Variants in NCOA2 observed in about 807,000 individuals in gnomAD.
The protein encoded by NCOA2 is nuclear receptor coactivator 2.
Under a neutral mutation model 145.1 loss-of-function variants are expected in NCOA2, and 21 were observed. The observed-to-expected ratio is 0.14, with a 90% CI of 0.10 to 0.21. NCOA2 has a LOEUF of 0.21. Among genes scored for constraint, NCOA2 ranks in the 10% least tolerant of loss-of-function variants. The probability of loss-of-function intolerance (pLI) is 1.00; values close to 1 mark genes in which losing one functional copy is unlikely to be tolerated. For missense variants in NCOA2, 1,472 were observed against 1,837.6 expected, an observed-to-expected ratio of 0.80 and a Z score of 3.64; for synonymous variants, 619 against 637.5, an observed-to-expected ratio of 0.97 and a Z score of 0.44.
chr8:70,434,446 C>T, the NCOA2 span, among the ~76,000 whole-genome samples: 5 of 152,302 alleles, frequency 3.3e-5, no homozygotes, highest in African/African-American at 1.2e-4. Context: ...GTGAACATCA[C>T]CCCTTCAATT....
intron 1 of NCOA2, among the ~76,000 whole-genome samples, chr8:70,342,774 T>TACACACACACACAC (rs370685018): frequency 8.1e-6 from 1 of 124,090 alleles, no homozygotes; most frequent in Non-Finnish European, 1.7e-5. Context: ...CTTTTGCAAT[T>TACACACACACACAC]ACACACACAC....
At chr8:70,455,301 T>A in the NCOA2 span, among the ~76,000 whole-genome samples, 1 of 152,216 alleles carries the variant, frequency 6.6e-6, no homozygotes, top group African/African-American at 2.4e-5. Flanking sequence ...ATTACAGGGC[T>A]CACTGCCTAG....
chr8:70,127,587 T>C (rs1317171537), intron 18 of NCOA2, among the ~76,000 whole-genome samples: 1 of 152,022 alleles, frequency 6.6e-6, no homozygotes, highest in Non-Finnish European at 1.5e-5. Context: ...GCAGGATGGA[T>C]GAAGGGAAGG....
At chr8:70,267,392 G>GGTTTT (rs1824693370) in intron 2 of NCOA2, among the ~76,000 whole-genome samples, 1 of 102,496 alleles carries the variant, frequency 9.8e-6, no homozygotes, top group African/African-American at 3.5e-5. Context: ...TTTCCTTTCT[G>GGTTTT]TTTTTTTTTT....
intron 2 of NCOA2, among the ~76,000 whole-genome samples, chr8:70,264,675 T>G (rs1354981188): frequency 6.6e-6 from 1 of 152,182 alleles, no homozygotes; most frequent in Non-Finnish European, 1.5e-5. Context: ...ATGTAAGGTA[T>G]CATGAACAAA....
intron 4 of NCOA2, among the ~76,000 whole-genome samples, chr8:70,176,115 C>A (rs969688286): frequency 6.6e-6 from 1 of 152,016 alleles, no homozygotes; most frequent in Non-Finnish European, 1.5e-5. Context: ...TGGACTGAGC[C>A]AAAGTAAATG....
chr8:70,137,188 C>T (rs532512903), intron 15 of NCOA2, among the ~76,000 whole-genome samples: 3 of 152,300 alleles, frequency 2.0e-5, no homozygotes, highest in East Asian at 1.9e-4. Flanking sequence ...TACAGGCATG[C>T]GCCACCACAC....
Position 70,121,497 on chromosome 8 carries a change from C to T in NCOA2, c.4294-106G>A, listed in dbSNP as rs568288524. On this transcript the variant is annotated intron_variant, in intron 21 of 22. Coordinates refer to ENST00000452400, the MANE Select transcript of NCOA2 (RefSeq NM_006540.4). The stretch of plus-strand genomic sequence containing the variant: ...TCCTCTGTTTTTAGGGGTGTAAAAA[C>T]GGGGAAAAGGAACTGCAGAACAATG... 2.4e-4 allele frequency: 196 copies of T among 802,108 alleles called. 1 individual carries two copies. The African/African-American group carries it at 3.0e-3, about 12-fold the overall frequency. The allele number at this position is 802,108 out of a possible 1,614,324, so 49.7% of individuals were successfully genotyped here.
chr8:70,242,314 C>T (rs1822207101), intron 2 of NCOA2, among the ~76,000 whole-genome samples: 3 of 152,084 alleles, frequency 2.0e-5, no homozygotes, highest in South Asian at 4.2e-4. Flanking sequence ...CTTATAAAAT[C>T]TTTAATAAAA....
At chr8:70,207,942 G>C (rs1190239303) in intron 4 of NCOA2, among the ~76,000 whole-genome samples, 2 of 149,534 alleles carry the variant, frequency 1.3e-5, no homozygotes, top group South Asian at 4.3e-4. Context: ...CTACTTCAGC[G>C]AATGCATCAA....
intron 4 of NCOA2, among the ~76,000 whole-genome samples, chr8:70,179,915 C>A (rs560908501): frequency 1.2e-4 from 19 of 152,174 alleles, no homozygotes; most frequent in Admixed American, 3.9e-4. Context: ...ACGCTTTTAC[C>A]ATTAAAGTTA....
At chr8:70,210,655 T>C (rs1431319094) in intron 4 of NCOA2, among the ~76,000 whole-genome samples, 4 of 152,172 alleles carry the variant, frequency 2.6e-5, no homozygotes, top group Non-Finnish European at 1.5e-5. Flanking sequence ...TCCCTTTATT[T>C]ATAAAGCATA....
At chr8:70,126,542 T>C in intron 19 of NCOA2, 1 of 501,996 alleles carries the variant, frequency 2.0e-6, no homozygotes, top group Non-Finnish European at 3.6e-6. Flanking sequence ...AGACACAGTC[T>C]ATGCACACAC....
chr8:70,432,963 T>C, the NCOA2 span, among the ~76,000 whole-genome samples: 199 of 152,346 alleles, frequency 1.3e-3, no homozygotes, highest in Non-Finnish European at 2.2e-3. Flanking sequence ...TTACAGGCTA[T>C]AATTACATTA....
intron 2 of NCOA2, among the ~76,000 whole-genome samples, chr8:70,284,083 C>A (rs1006884374): frequency 1.3e-5 from 2 of 152,132 alleles, no homozygotes; most frequent in African/African-American, 4.8e-5. Flanking sequence ...AATGACAACA[C>A]CCCTTGAAAA....
At chr8:70,364,563 C>A (rs184321235) in intron 1 of NCOA2, among the ~76,000 whole-genome samples, 306 of 152,188 alleles carry the variant, frequency 2.0e-3, no homozygotes, top group African/African-American at 7.1e-3. Flanking sequence ...ATGCTAATAA[C>A]TGCTATTAGT....
intron 4 of NCOA2, among the ~76,000 whole-genome samples, chr8:70,184,324 C>G (rs1815809272): frequency 6.6e-6 from 1 of 152,190 alleles, no homozygotes; most frequent in African/African-American, 2.4e-5. Context: ...GTAACACAGA[C>G]ATTTTTTTCA....
At chr8:70,337,429 G>A (rs1321717217) in intron 1 of NCOA2, among the ~76,000 whole-genome samples, 1 of 152,118 alleles carries the variant, frequency 6.6e-6, no homozygotes, top group African/African-American at 2.4e-5. Flanking sequence ...CAGTGGTTAA[G>A]GTCAAAAATT....
In NCOA2 at chr8:70,156,136, T is replaced by C. The variant is rs1442607193; in HGVS notation, c.2229A>G (p.Ala743=). Residue 743 remains alanine, a synonymous_variant, in exon 11 of 23, where the codon GCA becomes GCG. Transcript: ENST00000452400. ...EPVSPKKKEN[A]LLRYLLDKDD... ...CTTTATCTAGCAAATAGCGAAGTAG[T>C]GCATTCTCTTTCTTCTTGGGGCTCA... 1 of 1,613,980 alleles carries C rather than the reference T, an allele frequency of 6.2e-7. No homozygotes were observed. Among genetic ancestry groups the C allele is most frequent in the Non-Finnish European group, 8.5e-7 (1 of 1,179,890 alleles).
Sources: allele counts gnomAD v4.1 joint callset (sites outside exome capture counted in the v4.1 genomes callset), GRCh38; gene constraint gnomAD v4.1.1; transcripts MANE v1.5; gene names NCBI Gene and HGNC (gene_info 2026-07-23, HGNC 2026-07-21).